SLC24A2: variants seen among roughly 807,000 people sequenced by gnomAD.
The protein encoded by SLC24A2 is sodium/potassium/calcium exchanger 2.
A neutral mutation model predicts 62.0 loss-of-function variants in SLC24A2; 36 were observed. The observed-to-expected ratio is 0.58, with a 90% CI of 0.44 to 0.77. The LOEUF is 0.77. SLC24A2 is among the 30% of genes least tolerant of loss of function. The pLI, the probability that SLC24A2 is intolerant of heterozygous loss-of-function variation, is 0.00. For synonymous variants in SLC24A2, 358 were observed against 294.0 expected (o/e 1.22, Z -2.23); for missense variants, 846 against 817.9 (o/e 1.03, Z -0.42).
intron 7 of SLC24A2, among the ~76,000 whole-genome samples, chr9:19,570,044 C>T (rs1051496180): frequency 2.0e-5 from 3 of 152,232 alleles, no homozygotes; most frequent in Non-Finnish European, 4.4e-5. Context: ...CATGTATAAT[C>T]ATGTTGGGTT....
At chr9:19,702,604 A>T (rs1820388612) in intron 2 of SLC24A2, among the ~76,000 whole-genome samples, 1 of 152,214 alleles carries the variant, frequency 6.6e-6, no homozygotes, top group Non-Finnish European at 1.5e-5. Context: ...AATAGCTACA[A>T]TAACAACTGA....
At chr9:20,148,322 G>C in the SLC24A2 span, among the ~76,000 whole-genome samples, 6 of 152,016 alleles carry the variant, frequency 3.9e-5, no homozygotes, top group African/African-American at 1.2e-4. Context: ...ATAAAACTAA[G>C]TGAAAAAAGA....
chr9:19,709,627 C>T (rs553018198), intron 2 of SLC24A2, among the ~76,000 whole-genome samples: 1 of 151,586 alleles, frequency 6.6e-6, no homozygotes, highest in Non-Finnish European at 1.5e-5. Context: ...AAACTGGACA[C>T]CATCATTCTC....
chr9:19,509,704 CTTTT>C lies in SLC24A2; in HGVS notation c.*6445_*6448del, dbSNP rs953437924. On this transcript the variant is annotated 3_prime_UTR_variant, in exon 11 of 11. Transcript: ENST00000341998. Reference sequence around the variant, plus strand: ...AAATAATTTTATTCAGGATTTCAGACTTTTTTTACTTTTCTGTTTTTTATGACAT... The same window carrying C: ...AAATAATTTTATTCAGGATTTCAGACTTTACTTTTCTGTTTTTTATGACAT... 1 of 152,034 alleles carries C rather than the reference CTTTT, an allele frequency of 6.6e-6. No homozygotes were observed. The highest frequency in any genetic ancestry group is 1.5e-5 in the Non-Finnish European group (1 of 67,992). 9.4% of individuals were successfully genotyped at this position (152,034 alleles called of 1,614,324 possible). A position where few individuals can be genotyped will look rare whatever the true frequency, so the allele number is the denominator to read the frequency against.
intron 8 of SLC24A2, among the ~76,000 whole-genome samples, chr9:19,538,920 G>A (rs1586916789): frequency 1.6e-5 from 2 of 128,406 alleles, no homozygotes; most frequent in African/African-American, 3.0e-5. Flanking sequence ...ACTTCTTCCT[G>A]GTTTAGTCTT....
the SLC24A2 span, among the ~76,000 whole-genome samples, chr9:20,124,536 G>T: frequency 6.6e-6 from 1 of 152,090 alleles, no homozygotes; most frequent in African/African-American, 2.4e-5. Context: ...CCATGTTGCT[G>T]CTCAGTTTCT....
intron 2 of SLC24A2, among the ~76,000 whole-genome samples, chr9:19,636,268 CTCT>C (rs996505858): frequency 6.0e-5 from 2 of 33,596 alleles, no homozygotes; most frequent in Admixed American, 8.9e-4. Flanking sequence ...TTCTTTTCTT[CTCT>C]TCTTCTCTTC....
At chr9:19,516,970 T>C (rs745461724) in intron 10 of SLC24A2, among the ~76,000 whole-genome samples, 4 of 152,220 alleles carry the variant, frequency 2.6e-5, no homozygotes, top group Non-Finnish European at 5.9e-5. Flanking sequence ...AATTGTTTGA[T>C]GAAAAATTGG....
chr9:20,273,795 T>C, the SLC24A2 span, among the ~76,000 whole-genome samples: 13,615 of 152,198 alleles, frequency 0.089, 659 homozygotes, highest in Middle Eastern at 0.12. Flanking sequence ...CTTACCCCCA[T>C]CTGTTCAATC....
chr9:20,257,441 A>G, the SLC24A2 span, among the ~76,000 whole-genome samples: 1 of 152,076 alleles, frequency 6.6e-6, no homozygotes. Context: ...TGTGGTCCCA[A>G]TCCTTCTGAT....
the SLC24A2 span, among the ~76,000 whole-genome samples, chr9:19,924,562 G>A: frequency 2.6e-5 from 4 of 152,230 alleles, no homozygotes; most frequent in South Asian, 6.2e-4. Flanking sequence ...AGCCACTGAG[G>A]GTGTGGCTCC....
At chr9:19,657,845 A>T (rs1195169856) in intron 2 of SLC24A2, among the ~76,000 whole-genome samples, 6 of 151,892 alleles carry the variant, frequency 4.0e-5, no homozygotes, top group Admixed American at 2.0e-4. Context: ...CTCCCACTTT[A>T]TCCTCCCCAG....
intron 2 of SLC24A2, among the ~76,000 whole-genome samples, chr9:19,683,080 T>A (rs1374813356): frequency 6.6e-6 from 1 of 151,836 alleles, no homozygotes; most frequent in Non-Finnish European, 1.5e-5. Flanking sequence ...GATGCAAAAT[T>A]TCAGTGCAGG....
chr9:20,192,293 G>T, the SLC24A2 span, among the ~76,000 whole-genome samples: 6 of 152,216 alleles, frequency 3.9e-5, no homozygotes, highest in African/African-American at 1.4e-4. Context: ...ATGGACAAAG[G>T]CTGGGGCTGG....
chr9:19,976,623 C>A, the SLC24A2 span, among the ~76,000 whole-genome samples: 4 of 152,098 alleles, frequency 2.6e-5, no homozygotes, highest in African/African-American at 9.7e-5. Flanking sequence ...AGTGTGAAAA[C>A]AGACTAATAA....
chr9:20,277,752 T>C, the SLC24A2 span, among the ~76,000 whole-genome samples: 1 of 152,160 alleles, frequency 6.6e-6, no homozygotes, highest in Non-Finnish European at 1.5e-5. Context: ...ACCCGAAGGA[T>C]TATAAAACAT....
chr9:20,172,062 C>A, the SLC24A2 span, among the ~76,000 whole-genome samples: 1 of 152,074 alleles, frequency 6.6e-6, no homozygotes, highest in East Asian at 1.9e-4. Context: ...CCAAAAGGAG[C>A]CTTCAAAACC....
chr9:19,993,294 T>C, the SLC24A2 span, among the ~76,000 whole-genome samples: 1 of 152,192 alleles, frequency 6.6e-6, no homozygotes, highest in Non-Finnish European at 1.5e-5. Context: ...TTTAATAGTA[T>C]TTATTTACTG....
chr9:19,513,175 T>TATATATATATATATATAC lies in SLC24A2; in HGVS notation c.*2977_*2978insGTATATATATATATATAT, dbSNP rs1491372485. On this transcript the variant is annotated 3_prime_UTR_variant, in exon 11 of 11. Transcript: ENST00000341998. ...AAAGATATATATATATATATATATA[T>TATATATATATATATATAC]GTATATATATATATATGTATATATT... is the stretch of plus-strand genomic sequence containing the variant. 3.4e-5 allele frequency: 2 copies of TATATATATATATATATAC among 59,004 alleles called. No homozygotes were observed. The highest frequency in any genetic ancestry group is 1.3e-4 in the African/African-American group (2 of 15,056). 3.7% of individuals were successfully genotyped at this position (59,004 alleles called of 1,614,324 possible). A position where few individuals can be genotyped will look rare whatever the true frequency, so the allele number is the denominator to read the frequency against.
Sources: gnomAD v4.1 joint callset for allele counts (sites outside exome capture counted in the v4.1 genomes callset) on GRCh38, gnomAD v4.1.1 for gene constraint, MANE v1.5 for transcripts, NCBI Gene and HGNC (gene_info 2026-07-23, HGNC 2026-07-21) for gene names.